The following CCDC167 variants were observed in gnomAD, a reference collection of about 807,000 sequenced individuals.
CCDC167 encodes the protein coiled-coil domain containing 167.
CCDC167 carries 15 observed loss-of-function variants against 12.7 expected under a neutral mutation model. The observed-to-expected ratio is 1.18, with a 90% CI of 0.79 to 1.81. CCDC167 has a LOEUF of 1.81. CCDC167 is among the 40% of genes most tolerant of loss of function. CCDC167 has a pLI of 0.00. For missense variants in CCDC167, 121 were observed against 120.1 expected (o/e 1.01, Z -0.03); for synonymous variants, 52 against 49.0 (o/e 1.06, Z -0.26).
chr6:37,491,461 T>C (rs1177521183), intron 1 of CCDC167, among the ~76,000 whole-genome samples: 1 of 152,164 alleles, frequency 6.6e-6, no homozygotes, highest in Non-Finnish European at 1.5e-5. Flanking sequence ...CTGTTTGCTG[T>C]CTCTCCGGCT....
At chr6:37,484,758 C>T in intron 3 of CCDC167, 52 bp downstream of exon 3, 1 of 1,609,666 alleles carries the variant, frequency 6.2e-7, no homozygotes, top group South Asian at 1.1e-5. Flanking sequence ...CTGACCCTTC[C>T]TGGTTCTGGG....
chr6:37,488,092 G>A (rs968217713), intron 1 of CCDC167, among the ~76,000 whole-genome samples: 5 of 152,206 alleles, frequency 3.3e-5, no homozygotes, highest in African/African-American at 7.2e-5. Context: ...AGGTGACCCT[G>A]CGGGGTCCCC....
chr6:37,484,439 C>T (rs891682624), intron 3 of CCDC167, among the ~76,000 whole-genome samples: 1 of 151,768 alleles, frequency 6.6e-6, no homozygotes, highest in African/African-American at 2.4e-5. Context: ...TTCCTTCACC[C>T]CTCACTTCCC....
chr6:37,494,439 A>G (rs1412912868), intron 1 of CCDC167, among the ~76,000 whole-genome samples: 1 of 152,132 alleles, frequency 6.6e-6, no homozygotes, highest in African/African-American at 2.4e-5. Flanking sequence ...CTTACAGCAG[A>G]TACTGTCAAC....
At chr6:37,487,433 GTTC>G (rs1397120896) in intron 1 of CCDC167, among the ~76,000 whole-genome samples, 2 of 152,208 alleles carry the variant, frequency 1.3e-5, no homozygotes, top group African/African-American at 2.4e-5. Flanking sequence ...TGAAACCTCC[GTTC>G]TTCTTGTCCA....
intron 1 of CCDC167, among the ~76,000 whole-genome samples, chr6:37,487,115 T>C (rs1189487410): frequency 6.6e-6 from 1 of 152,148 alleles, no homozygotes. Context: ...GCCCTTCTGT[T>C]TGTGTCCAAA....
At position 37,485,023 on chromosome 6, in the gene CCDC167, A is replaced by C. The variant is rs373825532; in HGVS notation, c.137+77T>G. 28 of 1,464,212 alleles carry C rather than the reference A, an allele frequency of 1.9e-5. No homozygotes were observed. The East Asian group carries it at 6.4e-4, about 33-fold the overall frequency. The allele number at this position is 1,464,212 out of a possible 1,614,324, so 90.7% of individuals were successfully genotyped here. On this transcript the variant is annotated intron_variant, in intron 2 of 3. Coordinates refer to ENST00000373408, the MANE Select transcript of CCDC167 (RefSeq NM_138493.3). Reference sequence around the variant, plus strand: ...GACCCAAACCCTCTGCCTCAGGCCTACTTTGGGGGACCCAGGATAGATACA... The same window carrying C: ...GACCCAAACCCTCTGCCTCAGGCCTCCTTTGGGGGACCCAGGATAGATACA...
At chr6:37,493,510 C>T (rs1249539397) in intron 1 of CCDC167, among the ~76,000 whole-genome samples, 1 of 152,230 alleles carries the variant, frequency 6.6e-6, no homozygotes, top group Non-Finnish European at 1.5e-5. Context: ...TCCTGACCCC[C>T]GTCAAGTGGC....
At chr6:37,490,735 G>C (rs1227677043) in intron 1 of CCDC167, among the ~76,000 whole-genome samples, 1 of 152,156 alleles carries the variant, frequency 6.6e-6, no homozygotes, top group African/African-American at 2.4e-5. Context: ...GGGTGCTGGG[G>C]ACAAGGCCCT....
intron 1 of CCDC167, among the ~76,000 whole-genome samples, chr6:37,491,451 C>G (rs539752787): frequency 6.6e-6 from 1 of 152,330 alleles, no homozygotes; most frequent in African/African-American, 2.4e-5. Flanking sequence ...ATTTAGGAAG[C>G]TGTTTGCTGT....
In CCDC167 at chr6:37,484,846, CCTT is replaced by C. The variant is rs1260647667; in HGVS notation, c.151_153del (p.Lys51del). On this transcript the variant is annotated inframe_deletion, in exon 3 of 4. Transcript: ENST00000373408. ...GCTTTGTTCATTAGGCTGTTTTTCT[CCTT>C]CTCCAGGGACCTCCTGTGAGGGGAA... The C allele has an allele frequency of 1.9e-6, 3 of 1,614,260 alleles. No individual in the cohort carries two copies. Among genetic ancestry groups the C allele is most frequent in the Non-Finnish European group, 8.5e-7 (1 of 1,180,048 alleles).
chr6:37,490,274 GTC>G (rs1762001350), intron 1 of CCDC167, among the ~76,000 whole-genome samples: 1 of 152,214 alleles, frequency 6.6e-6, no homozygotes, highest in Non-Finnish European at 1.5e-5. Context: ...CCTGGGGAAA[GTC>G]TGTTCTTTAC....
intron 1 of CCDC167, among the ~76,000 whole-genome samples, chr6:37,492,994 C>T (rs1307440970): frequency 6.6e-6 from 1 of 152,208 alleles, no homozygotes; most frequent in Non-Finnish European, 1.5e-5. Flanking sequence ...AAAACCTCCG[C>T]CCATGGCTCC....
chr6:37,483,350 G>T, intron 3 of CCDC167, 61 bp from the exon 4 acceptor site: 1 of 1,154,128 alleles, frequency 8.7e-7, no homozygotes, highest in Non-Finnish European at 1.3e-6. Flanking sequence ...GTTCTGCTCT[G>T]CCTCTCCAAC....
intron 3 of CCDC167, among the ~76,000 whole-genome samples, chr6:37,484,382 C>T (rs547154615): frequency 1.3e-5 from 2 of 152,136 alleles, no homozygotes; most frequent in Non-Finnish European, 2.9e-5. Context: ...GTGGCGGCAT[C>T]GCTCCACCCA....
intron 1 of CCDC167, among the ~76,000 whole-genome samples, chr6:37,496,117 T>C (rs1762094403): frequency 6.6e-6 from 1 of 152,144 alleles, no homozygotes; most frequent in African/African-American, 2.4e-5. Context: ...ACTTGGAGAA[T>C]ACATGCCCCA....
intron 1 of CCDC167, among the ~76,000 whole-genome samples, chr6:37,491,981 C>T (rs1305612407): frequency 1.3e-5 from 2 of 152,238 alleles, no homozygotes; most frequent in East Asian, 1.9e-4. Context: ...CTGAGGGACT[C>T]CTAGCTCCTG....
intron 1 of CCDC167, among the ~76,000 whole-genome samples, chr6:37,486,844 A>G (rs758125452): frequency 7.2e-5 from 11 of 152,084 alleles, no homozygotes; most frequent in Non-Finnish European, 1.3e-4. Context: ...CCAGTGCCTC[A>G]GGCCACCATG....
chr6:37,495,097 G>C (rs1169298480), intron 1 of CCDC167, among the ~76,000 whole-genome samples: 1 of 152,140 alleles, frequency 6.6e-6, no homozygotes, highest in Non-Finnish European at 1.5e-5. Context: ...ACTGCACCTG[G>C]CCCCTACAAA....
Sources: allele counts gnomAD v4.1 joint callset (sites outside exome capture counted in the v4.1 genomes callset), GRCh38; gene constraint gnomAD v4.1.1; transcripts MANE v1.5; gene names NCBI Gene and HGNC (gene_info 2026-07-23, HGNC 2026-07-21).